Variants in PLA2R1 observed in about 807,000 individuals in gnomAD.
PLA2R1 encodes the protein secretory phospholipase A2 receptor.
Under a neutral mutation model 195.9 loss-of-function variants are expected in PLA2R1, and 158 were observed. The ratio of observed to expected loss-of-function variants is 0.81; its 90% CI spans 0.71 to 0.92. The LOEUF is 0.92. Ranked by LOEUF, PLA2R1 falls within the 40% of genes least tolerant of loss-of-function variation. PLA2R1 has a pLI of 0.00. For synonymous variants in PLA2R1, 586 were observed against 598.2 expected (o/e 0.98, Z 0.30); for missense variants, 1,626 against 1,764.6 (o/e 0.92, Z 1.41).
chr2:159,955,911 A>G (rs1234165126), intron 21 of PLA2R1, 83 bp from the exon 22 acceptor site: 1 of 773,746 alleles, frequency 1.3e-6, no homozygotes, highest in African/African-American at 1.8e-5. Context: ...AGCTATGATT[A>G]TATTTAAATG....
intron 11 of PLA2R1, among the ~76,000 whole-genome samples, chr2:159,995,255 G>C (rs1299252004): frequency 6.6e-6 from 1 of 152,088 alleles, no homozygotes; most frequent in Non-Finnish European, 1.5e-5. Context: ...GCGTCAATCA[G>C]CTTGAGCAGC....
chr2:160,017,272 C>A (rs1274699851), intron 8 of PLA2R1, among the ~76,000 whole-genome samples: 6 of 152,120 alleles, frequency 3.9e-5, no homozygotes, highest in African/African-American at 9.7e-5. Context: ...ACCAGTGTCT[C>A]ATTTGGTAGG....
chr2:160,002,448 C>T (rs952057658), intron 11 of PLA2R1, among the ~76,000 whole-genome samples: 1 of 151,962 alleles, frequency 6.6e-6, no homozygotes, highest in South Asian at 2.1e-4. Flanking sequence ...AGTGAACACT[C>T]TCCAATTCAT....
intron 11 of PLA2R1, among the ~76,000 whole-genome samples, chr2:160,001,901 C>T (rs759104287): frequency 5.3e-5 from 8 of 151,506 alleles, no homozygotes; most frequent in Non-Finnish European, 1.2e-4. Context: ...ATTGATTGAT[C>T]ACGTGGGCAA....
intron 3 of PLA2R1, among the ~76,000 whole-genome samples, chr2:160,041,576 G>C (rs917750852): frequency 6.6e-6 from 1 of 152,130 alleles, no homozygotes; most frequent in African/African-American, 2.4e-5. Context: ...GATCATCAAG[G>C]GGCCAGCTGG....
chr2:160,055,707 C>T (rs1290031035), intron 1 of PLA2R1, among the ~76,000 whole-genome samples: 16 of 152,164 alleles, frequency 1.1e-4, no homozygotes, highest in Admixed American at 1.0e-3. Context: ...GTTACTTAAC[C>T]CTTCTTCATC....
rs1343365964 is a variant in PLA2R1 at position 159,940,540 on chromosome 2, C to G, written c.*1238G>C. On this transcript the variant is annotated 3_prime_UTR_variant, in exon 30 of 30. Coordinates refer to ENST00000283243, the MANE Select transcript of PLA2R1 (RefSeq NM_007366.5). The stretch of plus-strand genomic sequence containing the variant: ...TCCTAAGTAGCTGGGACTACAGGTG[C>G]GTGCCACCATGCTCAGTACACTTTT... 1 of 152,134 alleles carries G rather than the reference C, an allele frequency of 6.6e-6. No individual in the cohort carries two copies. Among genetic ancestry groups the G allele is most frequent in the Non-Finnish European group, 1.5e-5 (1 of 68,034 alleles). 9.4% of individuals were successfully genotyped at this position (152,134 alleles called of 1,614,324 possible). A position where few individuals can be genotyped will look rare whatever the true frequency, so the allele number is the denominator to read the frequency against.
intron 21 of PLA2R1, 143 bp from the exon 22 acceptor site, chr2:159,955,971 TTGTTAAGGTAATGCAGTTTC>T (rs1280578229): frequency 3.0e-5 from 15 of 499,554 alleles, no homozygotes; most frequent in Non-Finnish European, 4.8e-5. Flanking sequence ...TACTTTATCC[TTGTTAAGGTAATGCAGTTTC>T]TTTCACTTTT....
intron 28 of PLA2R1, among the ~76,000 whole-genome samples, chr2:159,943,842 C>T (rs987914327): frequency 3.3e-5 from 5 of 150,712 alleles, no homozygotes; most frequent in African/African-American, 1.2e-4. Flanking sequence ...TTGAGACTCA[C>T]ACTGTGGGGG....
chr2:160,033,091 G>A lies in PLA2R1; in HGVS notation c.709C>T (p.Leu237Phe). ...VGCDTIWEKD[L>F]NSHICYQFNL... ...AACTGGTAGCAAATGTGTGAATTGAGGTCCTTCTCCCAAATAGTATCACAA... is the reference window on the plus strand; with the variant it reads ...AACTGGTAGCAAATGTGTGAATTGAAGTCCTTCTCCCAAATAGTATCACAA... Residue 237 changes from leucine (L) to phenylalanine (F), a missense_variant, in exon 4 of 30, where the codon CTC (leucine) becomes TTC (phenylalanine). Transcript: ENST00000283243. 1.2e-6 allele frequency: 2 copies of A among 1,613,040 alleles called. No homozygotes were observed. Among genetic ancestry groups the A allele is most frequent in the Non-Finnish European group, 1.7e-6 (2 of 1,179,532 alleles).
intron 6 of PLA2R1, among the ~76,000 whole-genome samples, chr2:160,027,686 T>C (rs1167526850): frequency 6.6e-6 from 1 of 152,176 alleles, no homozygotes; most frequent in Non-Finnish European, 1.5e-5. Context: ...AAAGAGGTTA[T>C]AGACCTGAAA....
chr2:159,971,269 T>G (rs1221320555), intron 17 of PLA2R1, among the ~76,000 whole-genome samples: 1 of 152,144 alleles, frequency 6.6e-6, no homozygotes, highest in African/African-American at 2.4e-5. Context: ...CCACTTAATC[T>G]AAGATTGTAT....
intron 1 of PLA2R1, among the ~76,000 whole-genome samples, chr2:160,057,972 C>A (rs1695678838): frequency 6.6e-6 from 1 of 152,108 alleles, no homozygotes; most frequent in Non-Finnish European, 1.5e-5. Context: ...CAGCTTCCTG[C>A]CCGTTGGTGG....
chr2:159,948,070 A>G (rs151171710), intron 25 of PLA2R1, among the ~76,000 whole-genome samples: 216 of 152,340 alleles, frequency 1.4e-3, no homozygotes, highest in African/African-American at 4.9e-3. Flanking sequence ...GGAACTCCAG[A>G]GGGACTTTAT....
At chr2:160,039,990 A>G (rs1694423224) in intron 3 of PLA2R1, among the ~76,000 whole-genome samples, 1 of 151,968 alleles carries the variant, frequency 6.6e-6, no homozygotes, top group African/African-American at 2.4e-5. Context: ...CATGTGAAGT[A>G]CGTGTTAACT....
At chr2:159,962,108 T>A (rs575947070) in intron 20 of PLA2R1, among the ~76,000 whole-genome samples, 1 of 152,044 alleles carries the variant, frequency 6.6e-6, no homozygotes, top group Non-Finnish European at 1.5e-5. Flanking sequence ...ACCTACAGAA[T>A]GGGAGAAAAT....
intron 18 of PLA2R1, 95 bp from the exon 19 acceptor site, chr2:159,969,454 T>C: frequency 1.6e-6 from 1 of 642,896 alleles, no homozygotes; most frequent in Non-Finnish European, 2.8e-6. Flanking sequence ...ATTGAAGATA[T>C]AATATTCTAT....
chr2:159,991,574 T>C (rs1005834514), intron 11 of PLA2R1, among the ~76,000 whole-genome samples: 2 of 150,874 alleles, frequency 1.3e-5, no homozygotes, highest in African/African-American at 4.9e-5. Flanking sequence ...TAACTTGTCA[T>C]CCAGCATTAG....
At chr2:160,012,367 T>C (rs1156577659) in intron 10 of PLA2R1, among the ~76,000 whole-genome samples, 1 of 152,150 alleles carries the variant, frequency 6.6e-6, no homozygotes, top group East Asian at 1.9e-4. Context: ...AGGTCACCTT[T>C]ACTCTTGGTA....
Sources: gnomAD v4.1 joint callset for allele counts (sites outside exome capture counted in the v4.1 genomes callset) on GRCh38, gnomAD v4.1.1 for gene constraint, MANE v1.5 for transcripts, NCBI Gene and HGNC (gene_info 2026-07-23, HGNC 2026-07-21) for gene names.